The following APOC1 variants were observed in gnomAD, a reference collection of about 807,000 sequenced individuals.
APOC1 encodes apolipoprotein C-I.
A neutral mutation model predicts 6.7 loss-of-function variants in APOC1; 4 were observed. That is an observed-to-expected ratio of 0.60 (90% CI 0.29 to 1.37). The LOEUF is 1.37. APOC1 is among the 40% of genes most tolerant of loss of function. The pLI is 0.09. For missense variants in APOC1, 122 were observed against 99.4 expected, an observed-to-expected ratio of 1.23 and a Z score of -0.97; for synonymous variants, 33 against 40.6, an observed-to-expected ratio of 0.81 and a Z score of 0.72.
Position 44,916,202 on chromosome 19 carries a change from C to G in APOC1, c.71C>G (p.Ala24Gly). ...ATCTTCCTGGCAGGCCCAGCCCCAG[C>G]CCAGGGGACCCCAGACGTCTCCAGT... ...LSIVLEGPAP[A>G]QGTPDVSSAL... Residue 24 changes from alanine to glycine, a missense_variant, in exon 3 of 4, where the codon GCC becomes GGC. Coordinates refer to ENST00000592535, the MANE Select transcript of APOC1 (RefSeq NM_001645.5). 1 of 1,602,308 alleles carries G rather than the reference C, an allele frequency of 6.2e-7. No individual in the cohort carries two copies. The highest frequency in any genetic ancestry group is 8.5e-7 in the Non-Finnish European group (1 of 1,175,908).
chr19:44,916,323 G>T lies in APOC1; in HGVS notation c.192G>T (p.Met64Ile). Reference sequence around the variant, plus strand: ...AACAGAGTGAACTTTCTGCCAAGATGCGGTTAGAACCCTTCCCAGGGCACG... The same window carrying T: ...AACAGAGTGAACTTTCTGCCAAGATTCGGTTAGAACCCTTCCCAGGGCACG... Reference protein sequence around the residue: ...RIKQSELSAKMREWFSETFQK... With the variant: ...RIKQSELSAKIREWFSETFQK... The change falls in exon 3 of 4, where the codon ATG becomes ATT. Residue 64 changes from methionine (M) to isoleucine (I), a missense_variant and splice_region_variant. Coordinates refer to ENST00000592535, the MANE Select transcript of APOC1 (RefSeq NM_001645.5). 1 of 1,613,754 alleles carries T rather than the reference G, an allele frequency of 6.2e-7. No individual in the cohort carries two copies. The highest frequency in any genetic ancestry group is 1.3e-5 in the African/African-American group (1 of 74,932).
chr19:44,918,341 T>C (rs111367236), intron 3 of APOC1, among the ~76,000 whole-genome samples: 1 of 148,292 alleles, frequency 6.7e-6, no homozygotes. Flanking sequence ...GTGTTTCTTT[T>C]TTTTTTTTTT....
chr19:44,919,276 C>T lies in APOC1; in HGVS notation c.*46C>T. 1 of 1,561,026 alleles carries T rather than the reference C, an allele frequency of 6.4e-7. No individual in the cohort carries two copies. Among genetic ancestry groups the T allele is most frequent in the Non-Finnish European group, 8.8e-7 (1 of 1,131,942 alleles). On this transcript the variant is annotated 3_prime_UTR_variant, in exon 4 of 4. Coordinates refer to ENST00000592535, the MANE Select transcript of APOC1 (RefSeq NM_001645.5). ...CAGGAGGGGCCTCTGAAATTTCCCA[C>T]ACCCCAGCGCCTGTGCTGAGGACTC...
intron 3 of APOC1, among the ~76,000 whole-genome samples, chr19:44,917,734 T>G (rs1327315184): frequency 6.6e-6 from 1 of 152,056 alleles, no homozygotes; most frequent in East Asian, 1.9e-4. Flanking sequence ...ATCCCAGCAC[T>G]TTGGGAGGCC....
intron 3 of APOC1, among the ~76,000 whole-genome samples, chr19:44,917,483 C>T (rs1002382009): frequency 8.6e-5 from 13 of 151,418 alleles, no homozygotes; most frequent in African/African-American, 2.9e-4. Flanking sequence ...GAGGCTGAGG[C>T]GAGAGGATTG....
chr19:44,916,437 C>G, intron 3 of APOC1, 112 bp downstream of exon 3: 1 of 1,388,852 alleles, frequency 7.2e-7, no homozygotes, highest in South Asian at 1.3e-5. Context: ...GAGAGGCTGA[C>G]AACATCCCTC....
intron 2 of APOC1, 78 bp from the exon 3 acceptor site, chr19:44,916,112 G>C: frequency 7.1e-7 from 1 of 1,413,584 alleles, no homozygotes; most frequent in Non-Finnish European, 9.2e-7. Context: ...ACTCCAGCTT[G>C]GGCTACAGAG....
chr19:44,916,505 C>A, intron 3 of APOC1, 180 bp downstream of exon 3: 3 of 769,930 alleles, frequency 3.9e-6, no homozygotes, highest in South Asian at 1.9e-5. Context: ...CCCTGACTCC[C>A]ATCCAGGCCA....
chr19:44,914,751 G>C lies in APOC1; in HGVS notation c.-21+18G>C. 1.2e-6 allele frequency: 1 copy of C among 825,682 alleles called. No homozygotes were observed. The highest frequency in any genetic ancestry group is 2.0e-6 in the Non-Finnish European group (1 of 512,092). 51.1% of individuals were successfully genotyped at this position (825,682 alleles called of 1,614,324 possible). On this transcript the variant is annotated intron_variant, in intron 1 of 3. Coordinates refer to ENST00000592535, the MANE Select transcript of APOC1 (RefSeq NM_001645.5). The stretch of plus-strand genomic sequence containing the variant: ...GGATTCAGGTTGGTGCTGAGTGCCT[G>C]GGAGGGACACCCGCCTACACTCTGC...
chr19:44,914,806 C>A (rs1969973819), intron 1 of APOC1, 66 bp from the exon 2 acceptor site: 5 of 1,358,644 alleles, frequency 3.7e-6, no homozygotes, highest in Non-Finnish European at 5.2e-6. Context: ...ATGAGGGGAT[C>A]GTGGGAGGGA....
At chr19:44,915,234 G>A in intron 2 of APOC1, 1 of 511,172 alleles carries the variant, frequency 2.0e-6, no homozygotes, top group East Asian at 3.5e-5. Context: ...TGGGTGGGGG[G>A]CTCTGGGAGA....
intron 3 of APOC1, 98 bp downstream of exon 3, chr19:44,916,423 C>A: frequency 6.6e-7 from 1 of 1,504,400 alleles, no homozygotes; most frequent in Non-Finnish European, 9.0e-7. Flanking sequence ...AAAAACAAGT[C>A]CTGGAGAGGC....
At chr19:44,919,086 A>G in intron 3 of APOC1, 87 bp from the exon 4 acceptor site, 1 of 1,136,044 alleles carries the variant, frequency 8.8e-7, no homozygotes, top group Non-Finnish European at 1.3e-6. Context: ...TGCAAGGGGA[A>G]GAGGTGGGAG....
chr19:44,916,545 C>T (rs538939650), intron 3 of APOC1: 3 of 619,172 alleles, frequency 4.8e-6, no homozygotes, highest in Admixed American at 3.7e-5. Flanking sequence ...GGGCTGGGCA[C>T]GGTGGCTCAT....
intron 3 of APOC1, chr19:44,918,768 T>C: frequency 5.9e-6 from 1 of 170,656 alleles, no homozygotes; most frequent in Non-Finnish European, 1.2e-5. Context: ...CAGGCAATTC[T>C]CCTGCCTCAG....
intron 2 of APOC1, 33 bp downstream of exon 2, chr19:44,914,982 A>C (rs1460713163): frequency 6.4e-7 from 1 of 1,572,890 alleles, no homozygotes; most frequent in Non-Finnish European, 8.7e-7. Flanking sequence ...GCGGAGTTGG[A>C]GATTTGGAAG....
intron 3 of APOC1, among the ~76,000 whole-genome samples, chr19:44,916,800 A>T (rs1228107848): frequency 8.5e-6 from 1 of 117,130 alleles, no homozygotes; most frequent in Non-Finnish European, 1.7e-5. Context: ...ACAGAAGGAG[A>T]CTCTGTCTCA....
intron 2 of APOC1, 33 bp from the exon 3 acceptor site, chr19:44,916,152 AAAAAC>A: frequency 6.6e-7 from 1 of 1,524,710 alleles, no homozygotes; most frequent in Admixed American, 2.3e-5. Context: ...AAAAAAAAAA[AAAAAC>A]AAATTTTGAA....
At chr19:44,918,337 C>CTTTTTTTTTTTTTTTTTTTT (rs1200008263) in intron 3 of APOC1, among the ~76,000 whole-genome samples, 2 of 90,330 alleles carry the variant, frequency 2.2e-5, no homozygotes, top group African/African-American at 8.5e-5. Flanking sequence ...TGAAGTGTTT[C>CTTTTTTTTTTTTTTTTTTTT]TTTTTTTTTT....
Sources: allele counts gnomAD v4.1 joint callset (sites outside exome capture counted in the v4.1 genomes callset), GRCh38; gene constraint gnomAD v4.1.1; transcripts MANE v1.5; gene names NCBI Gene and HGNC (gene_info 2026-07-23, HGNC 2026-07-21).